The following TMTC2 variants were observed in gnomAD, a reference collection of about 807,000 sequenced individuals.
TMTC2 encodes transmembrane O-mannosyltransferase targeting cadherins 2, also known as protein O-mannosyl-transferase TMTC2.
TMTC2 carries 43 observed loss-of-function variants against 82.4 expected under a neutral mutation model. The observed-to-expected ratio is 0.52, with a 90% CI of 0.41 to 0.67. The LOEUF is 0.67. TMTC2 is among the 30% of genes least tolerant of loss of function. The probability of loss-of-function intolerance (pLI) is 0.00; values close to 1 mark genes in which losing one functional copy is unlikely to be tolerated. For synonymous variants in TMTC2, 408 were observed against 381.9 expected, an observed-to-expected ratio of 1.07 and a Z score of -0.80; for missense variants, 919 against 1,012.4, an observed-to-expected ratio of 0.91 and a Z score of 1.25.
chr12:82,915,447 A>G (rs1874946263), intron 3 of TMTC2, among the ~76,000 whole-genome samples: 2 of 152,188 alleles, frequency 1.3e-5, no homozygotes, highest in South Asian at 4.1e-4. Flanking sequence ...GGCTAGTACT[A>G]CAACGTAGAT....
chr12:82,726,983 C>T (rs1166195753), intron 1 of TMTC2, among the ~76,000 whole-genome samples: 1 of 150,784 alleles, frequency 6.6e-6, no homozygotes, highest in Non-Finnish European at 1.5e-5. Flanking sequence ...TGCTGTGTAT[C>T]CTTAGAAAAG....
intron 1 of TMTC2, among the ~76,000 whole-genome samples, chr12:82,712,440 A>AAAT (rs2136915209): frequency 6.6e-6 from 1 of 151,814 alleles, no homozygotes; most frequent in South Asian, 2.1e-4. Flanking sequence ...AAAAAAAAAA[A>AAAT]AAAAAAAAAA....
chr12:82,768,483 T>C (rs1877103429), intron 1 of TMTC2, among the ~76,000 whole-genome samples: 1 of 152,162 alleles, frequency 6.6e-6, no homozygotes, highest in Admixed American at 6.5e-5. Context: ...CCATCTTCCA[T>C]GGCCTGTCCG....
chr12:82,841,246 G>C (rs1870318614), intron 1 of TMTC2, among the ~76,000 whole-genome samples: 1 of 152,186 alleles, frequency 6.6e-6, no homozygotes, highest in South Asian at 2.1e-4. Context: ...AAACGTGTTA[G>C]AGCTCCCTGA....
At chr12:82,901,613 C>T (rs1358528110) in intron 3 of TMTC2, among the ~76,000 whole-genome samples, 1 of 151,996 alleles carries the variant, frequency 6.6e-6, no homozygotes, top group Non-Finnish European at 1.5e-5. Flanking sequence ...AGACTCTCAC[C>T]TCACCTCCCA....
At chr12:83,030,973 G>T in intron 9 of TMTC2, 94 bp downstream of exon 9, 2 of 911,902 alleles carry the variant, frequency 2.2e-6, no homozygotes, top group Admixed American at 1.9e-5. Context: ...CATTTTAAGA[G>T]GAGATGGACT....
chr12:83,028,137 A>C (rs1881259701), intron 8 of TMTC2, among the ~76,000 whole-genome samples: 1 of 152,170 alleles, frequency 6.6e-6, no homozygotes, highest in Non-Finnish European at 1.5e-5. Flanking sequence ...AAAACAAAAT[A>C]CATTATTTGT....
intron 8 of TMTC2, among the ~76,000 whole-genome samples, chr12:83,019,138 C>A (rs1322369837): frequency 8.2e-6 from 1 of 121,488 alleles, no homozygotes; most frequent in Non-Finnish European, 1.7e-5. Flanking sequence ...GTTATTTCCT[C>A]TTCTAATTTT....
chr12:82,924,892 A>G (rs1875612419), intron 3 of TMTC2, among the ~76,000 whole-genome samples: 1 of 151,796 alleles, frequency 6.6e-6, no homozygotes, highest in Non-Finnish European at 1.5e-5. Flanking sequence ...CGCACATAAA[A>G]TAACCCCCAG....
At chr12:82,951,979 G>T (rs1340097443) in intron 4 of TMTC2, among the ~76,000 whole-genome samples, 1 of 152,146 alleles carries the variant, frequency 6.6e-6, no homozygotes, top group South Asian at 2.1e-4. Context: ...CTTGGTCCTC[G>T]AATACAAAGT....
chr12:82,812,489 A>C (rs1207480763), intron 1 of TMTC2, among the ~76,000 whole-genome samples: 1 of 152,262 alleles, frequency 6.6e-6, no homozygotes, highest in African/African-American at 2.4e-5. Context: ...TGGAAGGGTT[A>C]TTTAAGGTGA....
At chr12:82,970,469 C>G (rs987265009) in intron 7 of TMTC2, among the ~76,000 whole-genome samples, 1 of 150,322 alleles carries the variant, frequency 6.7e-6, no homozygotes, top group Non-Finnish European at 1.5e-5. Flanking sequence ...GTAGCTGGGA[C>G]TACAGGCGCC....
At chr12:82,995,737 G>A (rs2137356446) in intron 8 of TMTC2, among the ~76,000 whole-genome samples, 1 of 152,228 alleles carries the variant, frequency 6.6e-6, no homozygotes, top group South Asian at 2.1e-4. Context: ...ATATAAGGTG[G>A]ATTGTTTTGT....
intron 1 of TMTC2, chr12:82,760,867 C>A: frequency 2.4e-6 from 1 of 409,650 alleles, no homozygotes; most frequent in Non-Finnish European, 4.9e-6. Context: ...TCCCCTCACC[C>A]CCAGATGGAA....
At chr12:83,127,592 G>A (rs1315289955) in intron 11 of TMTC2, among the ~76,000 whole-genome samples, 2 of 152,052 alleles carry the variant, frequency 1.3e-5, no homozygotes, top group Non-Finnish European at 2.9e-5. Context: ...GTAGAAACAT[G>A]GATTCCCAAC....
intron 1 of TMTC2, among the ~76,000 whole-genome samples, chr12:82,706,578 A>G (rs7294774): frequency 0.033 from 5,098 of 152,256 alleles, 174 homozygotes; most frequent in East Asian, 0.12. Context: ...TATTGGCTAT[A>G]TAGGATTATA....
In TMTC2 at chr12:82,750,565, C is replaced by T. The variant is rs188590325; in HGVS notation, c.83+62896C>T. 3.1e-4 allele frequency among the ~76,000 whole-genome samples: 47 copies of T among 152,104 alleles called. 1 individual carries two copies. The highest frequency in any genetic ancestry group is 8.4e-4 in the African/African-American group (35 of 41,482). The stretch of plus-strand genomic sequence containing the variant: ...TAGAGAGGTTTTTTTAAAAACCTAA[C>T]GGTAAGTGCTTTGTATGAACTGGCT... On this transcript the variant is annotated intron_variant, in intron 1 of 11. Transcript: ENST00000321196.
At chr12:82,905,190 C>T (rs1201718967) in intron 3 of TMTC2, among the ~76,000 whole-genome samples, 3 of 152,134 alleles carry the variant, frequency 2.0e-5, no homozygotes, top group African/African-American at 7.2e-5. Flanking sequence ...AAATCAACTT[C>T]TTGCAAACTT....
In TMTC2 at chr12:82,917,236, C is replaced by A. The variant is rs140849056; in HGVS notation, c.1484-13195C>A. 6.6e-5 allele frequency among the ~76,000 whole-genome samples: 10 copies of A among 152,246 alleles called. 1 individual carries two copies. Among genetic ancestry groups the A allele is most frequent in the African/African-American group, 2.2e-4 (9 of 41,562 alleles). ...TTCAGTTCCATGCAGTTAAATGGCTCTTTTTCTCCTCCCTTTGTTTTCTTT... is the reference window on the plus strand; with the variant it reads ...TTCAGTTCCATGCAGTTAAATGGCTATTTTTCTCCTCCCTTTGTTTTCTTT... On this transcript the variant is annotated intron_variant, in intron 3 of 11. Transcript: ENST00000321196.
Sources: gnomAD v4.1 joint callset for allele counts (sites outside exome capture counted in the v4.1 genomes callset) on GRCh38, gnomAD v4.1.1 for gene constraint, MANE v1.5 for transcripts, NCBI Gene and HGNC (gene_info 2026-07-23, HGNC 2026-07-21) for gene names.